Variants in TENM3 observed in about 807,000 individuals in gnomAD.
TENM3 encodes the protein teneurin-3.
Under a neutral mutation model 255.1 loss-of-function variants are expected in TENM3, and 63 were observed. That is an observed-to-expected ratio of 0.25 (90% CI 0.20 to 0.30). TENM3 has a LOEUF of 0.30. TENM3 is among the 10% of genes least tolerant of loss of function. The pLI, the probability that TENM3 is intolerant of heterozygous loss-of-function variation, is 1.00. For missense variants in TENM3, 2,929 were observed against 3,461.1 expected (o/e 0.85, Z 3.86); for synonymous variants, 1,306 against 1,322.3 (o/e 0.99, Z 0.27).
chr4:182,780,521 A>T (rs1450266997), intron 24 of TENM3, among the ~76,000 whole-genome samples: 1 of 115,476 alleles, frequency 8.7e-6, no homozygotes, highest in African/African-American at 3.6e-5. Context: ...TTGGCTTAGG[A>T]TTGACTTGGC....
At chr4:182,148,289 G>A (rs1750097710) in intron 1 of TENM3, among the ~76,000 whole-genome samples, 1 of 152,132 alleles carries the variant, frequency 6.6e-6, no homozygotes. Flanking sequence ...GTGATTGATA[G>A]TGATACTTCT....
rs192847924 is a variant in TENM3, at chr4:182,478,280, T to C, written c.512-122644T>C. ...AAATTAAAGAATTAGTCAAATTTTT[T>C]CTAATGTCATGTGAAAATTTATTGA... On this transcript the variant is annotated intron_variant, in intron 3 of 27. Coordinates refer to ENST00000511685, the MANE Select transcript of TENM3 (RefSeq NM_001080477.4). Among the ~76,000 whole-genome samples, 492 of 152,266 alleles carry C rather than the reference T, an allele frequency of 3.2e-3. 8 individuals are homozygous for C. The highest frequency in any genetic ancestry group is 0.011 in the African/African-American group (465 of 41,568).
the TENM3 span, among the ~76,000 whole-genome samples, chr4:181,735,602 T>A: frequency 6.6e-6 from 1 of 152,156 alleles, no homozygotes; most frequent in Non-Finnish European, 1.5e-5. Context: ...AATAATAAAA[T>A]GTCAATGATG....
the TENM3 span, among the ~76,000 whole-genome samples, chr4:181,870,281 T>C: frequency 6.6e-6 from 1 of 152,160 alleles, no homozygotes; most frequent in Non-Finnish European, 1.5e-5. Flanking sequence ...TTCAAGCTAT[T>C]ATGAACGTTG....
chr4:182,771,811 G>A (rs987575269), intron 22 of TENM3, among the ~76,000 whole-genome samples: 3 of 152,182 alleles, frequency 2.0e-5, no homozygotes, highest in Admixed American at 6.5e-5. Flanking sequence ...TGCTAGGGGC[G>A]TTTGGGTTGG....
At chr4:182,642,619 G>C (rs982132485) in intron 5 of TENM3, among the ~76,000 whole-genome samples, 1 of 152,156 alleles carries the variant, frequency 6.6e-6, no homozygotes, top group African/African-American at 2.4e-5. Flanking sequence ...AGAAAGGATG[G>C]AAAGGAAAAA....
chr4:182,550,829 G>A (rs927441783), intron 3 of TENM3, among the ~76,000 whole-genome samples: 2 of 152,172 alleles, frequency 1.3e-5, no homozygotes, highest in African/African-American at 4.8e-5. Context: ...GAGGCGTTGG[G>A]ATTGGGAAGG....
intron 3 of TENM3, among the ~76,000 whole-genome samples, chr4:182,380,697 G>A (rs1767504409): frequency 6.6e-6 from 1 of 152,134 alleles, no homozygotes. Flanking sequence ...TATTTAAAAT[G>A]CCTCCCAACT....
Position 182,601,111 on chromosome 4 carries a change from C to G in TENM3, c.699C>G (p.Val233=). 6.2e-7 allele frequency: 1 copy of G among 1,613,834 alleles called. No individual in the cohort carries two copies. Among genetic ancestry groups the G allele is most frequent in the Non-Finnish European group, 8.5e-7 (1 of 1,179,854 alleles). The change falls in exon 4 of 28, where the codon GTC becomes GTG. Residue 233 remains valine, a synonymous_variant. Coordinates refer to ENST00000511685, the MANE Select transcript of TENM3 (RefSeq NM_001080477.4). Reference sequence around the variant, plus strand: ...AGCTGCAAACCACACCCGAGTCCGTCCAGCTGCAGGACAGCTGGGTCCTTG... The same window carrying G: ...AGCTGCAAACCACACCCGAGTCCGTGCAGCTGCAGGACAGCTGGGTCCTTG... ...PAELQTTPES[V]QLQDSWVLGS...
chr4:181,634,137 T>C, the TENM3 span, among the ~76,000 whole-genome samples: 104 of 152,334 alleles, frequency 6.8e-4, no homozygotes, highest in Middle Eastern at 3.4e-3. Context: ...TTAGAATACC[T>C]GATGTTTGGA....
intron 3 of TENM3, among the ~76,000 whole-genome samples, chr4:182,486,066 C>A (rs1322794006): frequency 6.6e-6 from 1 of 151,768 alleles, no homozygotes; most frequent in Non-Finnish European, 1.5e-5. Flanking sequence ...AAGCTGGAGC[C>A]GGAAGACAGT....
intron 1 of TENM3, among the ~76,000 whole-genome samples, chr4:182,224,295 T>C (rs1756012999): frequency 6.6e-6 from 1 of 152,192 alleles, no homozygotes; most frequent in East Asian, 1.9e-4. Context: ...AAGGAAATCC[T>C]GGCTTTGCTA....
the TENM3 span, among the ~76,000 whole-genome samples, chr4:181,464,400 T>G: frequency 2.4e-4 from 36 of 152,326 alleles, no homozygotes; most frequent in African/African-American, 7.9e-4. Context: ...TAATGACGAC[T>G]GGTGTTAAGC....
chr4:182,045,829 G>T, the TENM3 span, among the ~76,000 whole-genome samples: 3 of 152,108 alleles, frequency 2.0e-5, no homozygotes, highest in African/African-American at 7.2e-5. Flanking sequence ...TGAGACAATC[G>T]CTGGAGCCCA....
chr4:181,744,120 C>T, the TENM3 span, among the ~76,000 whole-genome samples: 1 of 152,282 alleles, frequency 6.6e-6, no homozygotes, highest in East Asian at 1.9e-4. Context: ...TAACAGCTTC[C>T]AAATCCATCC....
At chr4:182,049,272 C>T in the TENM3 span, among the ~76,000 whole-genome samples, 1 of 152,156 alleles carries the variant, frequency 6.6e-6, no homozygotes, top group Non-Finnish European at 1.5e-5. Flanking sequence ...TGCAATAGGC[C>T]TTTATCCAAA....
At chr4:181,679,738 TA>T in the TENM3 span, among the ~76,000 whole-genome samples, 1 of 152,200 alleles carries the variant, frequency 6.6e-6, no homozygotes, top group Non-Finnish European at 1.5e-5. Flanking sequence ...TCAAGTGTAT[TA>T]TTGCGACTGA....
At chr4:182,146,367 G>A (rs1749967193) in intron 1 of TENM3, among the ~76,000 whole-genome samples, 1 of 152,050 alleles carries the variant, frequency 6.6e-6, no homozygotes, top group Non-Finnish European at 1.5e-5. Context: ...TGAGAGGTTA[G>A]TTCAGTAATA....
At chr4:182,317,401 T>C (rs1006827912) in intron 1 of TENM3, among the ~76,000 whole-genome samples, 30 of 152,216 alleles carry the variant, frequency 2.0e-4, no homozygotes, top group African/African-American at 6.7e-4. Flanking sequence ...CTAGCCTCAA[T>C]TGATCCTCCC....
Sources: allele counts gnomAD v4.1 joint callset (sites outside exome capture counted in the v4.1 genomes callset), GRCh38; gene constraint gnomAD v4.1.1; transcripts MANE v1.5; gene names NCBI Gene and HGNC (gene_info 2026-07-23, HGNC 2026-07-21).